The following DNAH6 variants were observed in gnomAD, a reference collection of about 807,000 sequenced individuals.
The protein encoded by DNAH6 is axonemal beta dynein heavy chain 6.
Under a neutral mutation model 491.4 loss-of-function variants are expected in DNAH6, and 340 were observed. The ratio of observed to expected loss-of-function variants is 0.69; its 90% CI spans 0.63 to 0.76. The LOEUF is 0.76. DNAH6 is among the 30% of genes least tolerant of loss of function. The probability of loss-of-function intolerance (pLI) is 0.00; values close to 1 mark genes in which losing one functional copy is unlikely to be tolerated. For synonymous variants in DNAH6, 1,603 were observed against 1,686.1 expected, an observed-to-expected ratio of 0.95 and a Z score of 1.21; for missense variants, 4,443 against 4,972.2, an observed-to-expected ratio of 0.89 and a Z score of 3.20.
chr2:84,491,102 A>G, the DNAH6 span, among the ~76,000 whole-genome samples: 1 of 152,204 alleles, frequency 6.6e-6, no homozygotes, highest in Admixed American at 6.5e-5. Context: ...TGAGGTAAAC[A>G]TATATTTTTA....
At chr2:84,777,677 C>T (rs1262098262) in intron 64 of DNAH6, 1 of 814,690 alleles carries the variant, frequency 1.2e-6, no homozygotes, top group Non-Finnish European at 2.2e-6. Context: ...TCCACGTTCC[C>T]CAAGGACCTA....
chr2:84,789,884 T>C (rs2105258978), intron 68 of DNAH6, among the ~76,000 whole-genome samples: 1 of 152,276 alleles, frequency 6.6e-6, no homozygotes, highest in Non-Finnish European at 1.5e-5. Flanking sequence ...TAAAATTTTG[T>C]TAAAGGGCAC....
intron 26 of DNAH6, among the ~76,000 whole-genome samples, chr2:84,621,852 G>T (rs1573253878): frequency 6.6e-6 from 1 of 152,280 alleles, no homozygotes; most frequent in Non-Finnish European, 1.5e-5. Context: ...GTATTCACTA[G>T]TTCCTGGATA....
intron 22 of DNAH6, among the ~76,000 whole-genome samples, chr2:84,616,153 A>G (rs1686835228): frequency 6.6e-6 from 1 of 152,010 alleles, no homozygotes; most frequent in Admixed American, 6.6e-5. Context: ...TAGAATGTAT[A>G]TTCTTCATTT....
At chr2:84,697,818 A>G (rs567190722) in intron 47 of DNAH6, 91 bp downstream of exon 47, 10 of 1,380,090 alleles carry the variant, frequency 7.2e-6, no homozygotes, top group East Asian at 2.5e-5. Context: ...GAAGGGGTCC[A>G]TGAATAAAAT....
intron 21 of DNAH6, among the ~76,000 whole-genome samples, 184 bp from the exon 22 acceptor site, chr2:84,611,490 A>G (rs972394782): frequency 5.3e-5 from 8 of 152,092 alleles, no homozygotes; most frequent in Non-Finnish European, 1.2e-4. Flanking sequence ...AGACAGTGGG[A>G]TGAAATCAGA....
At chr2:84,471,348 T>G in the DNAH6 span, among the ~76,000 whole-genome samples, 1 of 152,216 alleles carries the variant, frequency 6.6e-6, no homozygotes, top group East Asian at 1.9e-4. Flanking sequence ...TAGCCCTTAT[T>G]CAAAATGGAG....
the DNAH6 span, among the ~76,000 whole-genome samples, chr2:84,488,379 AAAAAATT>A: frequency 1.2e-5 from 1 of 83,852 alleles, no homozygotes; most frequent in South Asian, 3.7e-4. Context: ...AGTATAATAA[AAAAAATT>A]AAAAAATAAA....
At chr2:84,741,130 A>G (rs974274689) in intron 62 of DNAH6, among the ~76,000 whole-genome samples, 2 of 152,022 alleles carry the variant, frequency 1.3e-5, no homozygotes, top group African/African-American at 4.8e-5. Flanking sequence ...AGCTCGTAGC[A>G]AGGCATTGGA....
intron 37 of DNAH6, among the ~76,000 whole-genome samples, chr2:84,668,249 A>G (rs1473984629): frequency 6.6e-6 from 1 of 152,252 alleles, no homozygotes; most frequent in Non-Finnish European, 1.5e-5. Flanking sequence ...TAATAAAAAA[A>G]AACTTTGATT....
At chr2:84,806,115 T>C (rs1323657204) in intron 71 of DNAH6, among the ~76,000 whole-genome samples, 11 of 152,226 alleles carry the variant, frequency 7.2e-5, no homozygotes, top group African/African-American at 2.7e-4. Flanking sequence ...CCAATATGGC[T>C]ACCTAAATTT....
chr2:84,734,558 G>T (rs1340927991), intron 62 of DNAH6, among the ~76,000 whole-genome samples: 1 of 151,984 alleles, frequency 6.6e-6, no homozygotes, highest in Non-Finnish European at 1.5e-5. Context: ...TTGCAGCCTG[G>T]TGCATGTTTT....
rs1573511632 is a variant in DNAH6 at position 84,694,437 on chromosome 2, G to A, written c.7481G>A (p.Gly2494Asp). ...EDLRKLYKMA[G>D]VEDKNMVFLF... ...CTGAGGAAGTTGTACAAAATGGCTG[G>A]TGTAGAAGACAAGAATATGGTTTTC... Residue 2494 changes from glycine to aspartate, a missense_variant, in exon 46 of 77, where the codon GGT (glycine) becomes GAT (aspartate). Physicochemically the swap from Gly to Asp is moderately conservative, Grantham distance 94. This residue lies in a region of DNAH6 where 2,977 missense variants were observed against 3,296.6 expected (regional missense o/e 0.90). Transcript: ENST00000389394. 2 of 1,551,920 alleles carry A rather than the reference G, an allele frequency of 1.3e-6. No homozygotes were observed.
chr2:84,575,597 C>T (rs935124210), intron 12 of DNAH6, among the ~76,000 whole-genome samples: 2 of 152,166 alleles, frequency 1.3e-5, no homozygotes, highest in African/African-American at 2.4e-5. Context: ...AACCGTTTTA[C>T]GTACTGCCTC....
intron 31 of DNAH6, among the ~76,000 whole-genome samples, chr2:84,638,051 G>T (rs1689037938): frequency 1.3e-5 from 2 of 151,952 alleles, no homozygotes; most frequent in African/African-American, 4.8e-5. Flanking sequence ...GCAATGTGGT[G>T]AAATCCCGTC....
chr2:84,810,421 T>TC (rs1679857932), intron 72 of DNAH6, among the ~76,000 whole-genome samples: 1 of 152,140 alleles, frequency 6.6e-6, no homozygotes, highest in South Asian at 2.1e-4. Flanking sequence ...ACAGAGGAAT[T>TC]CCCCTAATGG....
intron 4 of DNAH6, among the ~76,000 whole-genome samples, chr2:84,541,382 G>C (rs1174169755): frequency 6.6e-6 from 1 of 152,206 alleles, no homozygotes; most frequent in African/African-American, 2.4e-5. Flanking sequence ...GATTGGGCTT[G>C]AGGGAAGTCC....
At chr2:84,715,785 C>T (rs992098899) in intron 58 of DNAH6, among the ~76,000 whole-genome samples, 158 bp downstream of exon 58, 2 of 152,130 alleles carry the variant, frequency 1.3e-5, no homozygotes, top group Non-Finnish European at 2.9e-5. Context: ...AAGTTCTTTA[C>T]CATTTCCATA....
chr2:84,747,840 T>C lies in DNAH6; in HGVS notation c.10512+2591T>C, dbSNP rs151142911. 2.0e-3 allele frequency among the ~76,000 whole-genome samples: 305 copies of C among 152,322 alleles called. 1 individual carries two copies. Among genetic ancestry groups the C allele is most frequent in the African/African-American group, 7.1e-3 (294 of 41,574 alleles). On this transcript the variant is annotated intron_variant, in intron 63 of 76. Transcript: ENST00000389394. ...GGATGCTGCCAAGCCTCCTTCACTCTTGCATTCTGCCCAACTGCAGGCTTA... is the reference window on the plus strand; with the variant it reads ...GGATGCTGCCAAGCCTCCTTCACTCCTGCATTCTGCCCAACTGCAGGCTTA...
Sources: gnomAD v4.1 joint callset for allele counts (sites outside exome capture counted in the v4.1 genomes callset) on GRCh38, gnomAD v4.1.1 for gene constraint, gnomAD v4.1.1 regional missense constraint, MANE v1.5 for transcripts, NCBI Gene and HGNC (gene_info 2026-07-23, HGNC 2026-07-21) for gene names.